Variants in PTPRE observed in about 807,000 individuals in gnomAD.
PTPRE encodes receptor-type tyrosine-protein phosphatase epsilon.
PTPRE carries 51 observed loss-of-function variants against 102.0 expected under a neutral mutation model. The ratio of observed to expected loss-of-function variants is 0.50; its 90% CI spans 0.40 to 0.63. The LOEUF is 0.63. PTPRE is among the 30% of genes least tolerant of loss of function. The pLI is 0.00. For synonymous variants in PTPRE, 345 were observed against 348.2 expected (o/e 0.99, Z 0.10); for missense variants, 752 against 915.1 (o/e 0.82, Z 2.30).
At chr10:127,922,537 G>T (rs1397030311) in intron 1 of PTPRE, among the ~76,000 whole-genome samples, 1 of 152,220 alleles carries the variant, frequency 6.6e-6, no homozygotes, top group Non-Finnish European at 1.5e-5. Context: ...GTGGGCCGGG[G>T]CCATGTGTAT....
intron 2 of PTPRE, chr10:127,999,705 C>A (rs927454689): frequency 4.5e-5 from 44 of 984,224 alleles, no homozygotes; most frequent in Non-Finnish European, 4.7e-5. Context: ...TTTATTTCAA[C>A]TCGAGATGAG....
At chr10:127,973,973 A>G (rs546289921) in intron 1 of PTPRE, among the ~76,000 whole-genome samples, 3 of 152,330 alleles carry the variant, frequency 2.0e-5, no homozygotes, top group South Asian at 4.1e-4. Context: ...TTCATCCTGC[A>G]TCTGGACCAC....
At chr10:128,069,974 G>T in intron 13 of PTPRE, 147 bp downstream of exon 13, 4 of 1,212,210 alleles carry the variant, frequency 3.3e-6, no homozygotes, top group East Asian at 2.4e-5. Flanking sequence ...AGCCTTCCCT[G>T]CCCACGCGTG....
intron 1 of PTPRE, among the ~76,000 whole-genome samples, chr10:127,946,043 G>T (rs536459481): frequency 9.2e-5 from 14 of 152,252 alleles, no homozygotes; most frequent in Non-Finnish European, 1.6e-4. Context: ...GTGAAGATGG[G>T]CCAGGAGTAG....
chr10:128,056,359 C>T (rs1848960708), intron 7 of PTPRE, 146 bp downstream of exon 7: 1 of 653,732 alleles, frequency 1.5e-6, no homozygotes, highest in African/African-American at 1.8e-5. Context: ...CCTAGGACTC[C>T]AGAACGTTCC....
intron 2 of PTPRE, among the ~76,000 whole-genome samples, chr10:128,016,369 C>G (rs1845427139): frequency 6.6e-6 from 1 of 152,324 alleles, no homozygotes; most frequent in African/African-American, 2.4e-5. Context: ...CAGGCACCCC[C>G]AGCCCCCAGG....
At chr10:128,019,824 GCCT>G (rs1164904112) in intron 2 of PTPRE, among the ~76,000 whole-genome samples, 32 of 152,322 alleles carry the variant, frequency 2.1e-4, no homozygotes, top group Non-Finnish European at 2.8e-4. Flanking sequence ...CACCCACGGT[GCCT>G]CTCCCAGAGG....
At chr10:127,991,109 CT>C (rs1260420264) in intron 2 of PTPRE, among the ~76,000 whole-genome samples, 9 of 152,168 alleles carry the variant, frequency 5.9e-5, no homozygotes, top group Non-Finnish European at 1.3e-4. Flanking sequence ...CGATATCACT[CT>C]GTTCCCCTCT....
intron 2 of PTPRE, 80 bp from the exon 3 acceptor site, chr10:128,040,792 TCTC>T (rs1590105617): frequency 1.9e-6 from 2 of 1,048,328 alleles, no homozygotes; most frequent in East Asian, 2.5e-5. Flanking sequence ...AGTTGGCTCT[TCTC>T]CTCATCATCA....
chr10:128,058,322 G>A (rs989812095), intron 7 of PTPRE, among the ~76,000 whole-genome samples: 1 of 152,214 alleles, frequency 6.6e-6, no homozygotes, highest in African/African-American at 2.4e-5. Context: ...TCTCTGAGCC[G>A]CGTTCTCCAG....
Position 128,047,472 on chromosome 10 carries a change from C to T in PTPRE, c.192C>T (p.Leu64=), listed in dbSNP as rs765326860. 7 of 1,613,314 alleles carry T rather than the reference C, an allele frequency of 4.3e-6. No homozygotes were observed. The highest frequency in any genetic ancestry group is 2.2e-5 in the East Asian group (1 of 44,890). Residue 64 remains leucine (L), a synonymous_variant, in exon 4 of 21, where the codon CTC becomes CTT. Transcript: ENST00000254667. ...PLLLLLLVLL[L]AAYFFRFRKQ... is the part of the protein sequence containing the mutation. ...TGCTCCTCCTCCTCGTGCTCCTTCT[C>T]GCCGCCTACTTCTTCAGGTAGGAGT...
chr10:127,984,515 G>C (rs1740409799), intron 2 of PTPRE, among the ~76,000 whole-genome samples: 1 of 152,140 alleles, frequency 6.6e-6, no homozygotes, highest in African/African-American at 2.4e-5. Flanking sequence ...TCTCCTATCT[G>C]TGCTGCCTTG....
chr10:128,055,381 G>T (rs1298186756), intron 6 of PTPRE, among the ~76,000 whole-genome samples: 10 of 152,184 alleles, frequency 6.6e-5, no homozygotes, highest in Admixed American at 6.5e-4. Context: ...GCTCAGAGGG[G>T]ATAGGGGCCC....
intron 1 of PTPRE, chr10:127,964,931 C>T: frequency 2.2e-6 from 1 of 454,350 alleles, no homozygotes; most frequent in Non-Finnish European, 4.4e-6. Context: ...CCCTGGACCC[C>T]ACGGAAGAAG....
At chr10:127,964,877 G>A (rs1850120816) in intron 1 of PTPRE, 3 of 392,682 alleles carry the variant, frequency 7.6e-6, no homozygotes, top group South Asian at 3.8e-5. Context: ...GCTCATCAGC[G>A]GGCTCCTGGT....
rs1320138947 is a variant in PTPRE, at chr10:128,028,973, T to C, written c.-7-11902T>C. On this transcript the variant is annotated intron_variant, in intron 2 of 20. Transcript: ENST00000254667. This position sits in a 1 kb window ranked among gnomAD's most constrained non-coding sequence, Gnocchi z 4.5. The stretch of plus-strand genomic sequence containing the variant: ...CCCCCAGAGGCCTCCCGCTGGGATT[T>C]GTCTCCACTTTGCAGTTGCCTTTTG... Among the ~76,000 whole-genome samples the C allele has an allele frequency of 1.3e-5, 2 of 152,218 alleles. No individual in the cohort carries two copies. The highest frequency in any genetic ancestry group is 4.8e-5 in the African/African-American group (2 of 41,458).
intron 3 of PTPRE, among the ~76,000 whole-genome samples, chr10:128,041,416 G>A (rs12766923): frequency 0.19 from 28,357 of 152,020 alleles, 2,881 homozygotes; most frequent in Admixed American, 0.22. Flanking sequence ...TTGGGAGGCC[G>A]AGGTGGGCAG....
At chr10:127,941,543 C>G (rs1451696988) in intron 1 of PTPRE, among the ~76,000 whole-genome samples, 2 of 152,184 alleles carry the variant, frequency 1.3e-5, no homozygotes, top group African/African-American at 2.4e-5. Context: ...AAGCTGAGCA[C>G]CTAGATTTTT....
chr10:128,056,818 G>A (rs989139353), intron 7 of PTPRE, among the ~76,000 whole-genome samples: 4 of 152,102 alleles, frequency 2.6e-5, no homozygotes, highest in African/African-American at 7.2e-5. Context: ...GCGGGGGTGC[G>A]TCTCGGTGAC....
Sources: allele counts gnomAD v4.1 joint callset (sites outside exome capture counted in the v4.1 genomes callset), GRCh38; gene constraint gnomAD v4.1.1; non-coding constraint Gnocchi (gnomAD v3.1); transcripts MANE v1.5; gene names NCBI Gene and HGNC (gene_info 2026-07-23, HGNC 2026-07-21).